Variants in HECW2 observed in about 807,000 individuals in gnomAD.
HECW2 encodes E3 ubiquitin-protein ligase HECW2.
A neutral mutation model predicts 175.2 loss-of-function variants in HECW2; 61 were observed. That is an observed-to-expected ratio of 0.35 (90% CI 0.28 to 0.43). The LOEUF (loss-of-function observed/expected upper bound fraction) is 0.43, where lower values mean the gene tolerates loss of function less well. HECW2 is among the 20% of genes least tolerant of loss of function. The pLI, the probability that HECW2 is intolerant of heterozygous loss-of-function variation, is 1.00. For missense variants in HECW2, 1,524 were observed against 2,000.5 expected (o/e 0.76, Z 4.54); for synonymous variants, 671 against 731.0 (o/e 0.92, Z 1.32).
intron 1 of HECW2, among the ~76,000 whole-genome samples, chr2:196,446,823 A>C (rs1333302583): frequency 2.0e-5 from 3 of 152,210 alleles, no homozygotes; most frequent in African/African-American, 7.2e-5. Context: ...GTAAGTCACA[A>C]ACAAGAGTGT....
intron 2 of HECW2, among the ~76,000 whole-genome samples, chr2:196,398,943 G>A (rs1477203218): frequency 2.0e-5 from 3 of 152,154 alleles, no homozygotes; most frequent in Admixed American, 6.5e-5. Flanking sequence ...TTTCACCACT[G>A]CACTCCAGCC....
chr2:196,276,915 T>C (rs1462039129), intron 15 of HECW2, among the ~76,000 whole-genome samples: 2 of 152,216 alleles, frequency 1.3e-5, no homozygotes, highest in Admixed American at 6.5e-5. Context: ...ATTGTATTCA[T>C]ATTTTTTCTT....
At chr2:196,382,811 C>T (rs1694245337) in intron 2 of HECW2, among the ~76,000 whole-genome samples, 2 of 152,002 alleles carry the variant, frequency 1.3e-5, no homozygotes. Flanking sequence ...ATAACCCTGA[C>T]CTTTAGAAAT....
At chr2:196,312,671 A>G (rs1691543723) in intron 10 of HECW2, among the ~76,000 whole-genome samples, 1 of 152,186 alleles carries the variant, frequency 6.6e-6, no homozygotes, top group Non-Finnish European at 1.5e-5. Flanking sequence ...GTTTAGTAGA[A>G]AGAATTCGGG....
rs368792813 is a variant in HECW2, at chr2:196,409,285, C to T, written c.292+23847G>A. Among the ~76,000 whole-genome samples the T allele has an allele frequency of 9.5e-4, 145 of 152,238 alleles. 2 individuals carry two copies. The Middle Eastern group carries it at 0.024, about 25-fold the overall frequency. ...AGTTCTAATATTCCCATTAACTGAC[C>T]ATGAAAACTGGAGCAAGTTTCTAAA... On this transcript the variant is annotated intron_variant, in intron 2 of 28. Transcript: ENST00000644978.
At chr2:196,538,863 G>T (rs1053093294) in intron 1 of HECW2, among the ~76,000 whole-genome samples, 3 of 152,062 alleles carry the variant, frequency 2.0e-5, no homozygotes, top group Non-Finnish European at 4.4e-5. Flanking sequence ...GGAACCAGCC[G>T]CCTCCTCTCT....
At chr2:196,464,157 T>C (rs1460889433) in intron 1 of HECW2, among the ~76,000 whole-genome samples, 1 of 152,060 alleles carries the variant, frequency 6.6e-6, no homozygotes, top group East Asian at 1.9e-4. Flanking sequence ...TCTCTCAACA[T>C]AAAACATTAG....
At chr2:196,402,329 C>T (rs1694844932) in intron 2 of HECW2, among the ~76,000 whole-genome samples, 1 of 151,648 alleles carries the variant, frequency 6.6e-6, no homozygotes, top group Non-Finnish European at 1.5e-5. Flanking sequence ...CTTTAACAGA[C>T]CTTGAGTTTC....
intron 2 of HECW2, among the ~76,000 whole-genome samples, chr2:196,380,610 A>C (rs902717123): frequency 1.3e-5 from 2 of 152,222 alleles, no homozygotes; most frequent in Non-Finnish European, 2.9e-5. Flanking sequence ...CAGGTTAACG[A>C]AAGTCCTGCA....
At chr2:196,306,155 G>A (rs1159213732) in intron 13 of HECW2, among the ~76,000 whole-genome samples, 1 of 151,790 alleles carries the variant, frequency 6.6e-6, no homozygotes, top group East Asian at 1.9e-4. Context: ...GGAGGGAGAA[G>A]ATGCTATCTA....
chr2:196,521,253 A>G (rs1688363777), intron 1 of HECW2, among the ~76,000 whole-genome samples: 1 of 128,798 alleles, frequency 7.8e-6, no homozygotes, highest in African/African-American at 3.1e-5. Flanking sequence ...TCTTTCTTGT[A>G]TTTCATCCTC....
intron 1 of HECW2, among the ~76,000 whole-genome samples, chr2:196,505,454 C>T (rs983220035): frequency 1.3e-5 from 2 of 152,094 alleles, no homozygotes; most frequent in African/African-American, 4.8e-5. Flanking sequence ...GCAGGAGAAT[C>T]GCTTGAACCC....
chr2:196,458,390 G>C (rs1167504447), intron 1 of HECW2, among the ~76,000 whole-genome samples: 2 of 151,988 alleles, frequency 1.3e-5, no homozygotes, highest in African/African-American at 4.8e-5. Context: ...TCATAATGCT[G>C]GGAGTCTCTG....
intron 18 of HECW2, among the ~76,000 whole-genome samples, chr2:196,255,113 C>G (rs1689006364): frequency 2.0e-5 from 3 of 147,070 alleles, no homozygotes; most frequent in South Asian, 4.3e-4. Context: ...GCTGGGACTA[C>G]AGGTGCGAGT....
At chr2:196,541,404 G>A (rs1013268822) in intron 1 of HECW2, among the ~76,000 whole-genome samples, 50 of 152,174 alleles carry the variant, frequency 3.3e-4, no homozygotes, top group South Asian at 4.2e-4. Flanking sequence ...AGTAAAAGGC[G>A]GGTAACTAAA....
chr2:196,351,593 C>T (rs1014723611), intron 2 of HECW2, among the ~76,000 whole-genome samples: 4 of 152,158 alleles, frequency 2.6e-5, no homozygotes, highest in Admixed American at 2.6e-4. Flanking sequence ...TGCCATGTGA[C>T]CGATTGTGCC....
chr2:196,587,235 T>C (rs1408255208), intron 1 of HECW2, among the ~76,000 whole-genome samples: 1 of 152,224 alleles, frequency 6.6e-6, no homozygotes, highest in Non-Finnish European at 1.5e-5. Flanking sequence ...CCACTGTGCT[T>C]TGTTCGAAAA....
chr2:196,350,468 C>A (rs905563701), intron 2 of HECW2, among the ~76,000 whole-genome samples: 1 of 152,200 alleles, frequency 6.6e-6, no homozygotes, highest in Non-Finnish European at 1.5e-5. Flanking sequence ...TTAGCAAGCA[C>A]CCCAACCAGA....
chr2:196,223,412 G>A (rs1266555039), intron 23 of HECW2, among the ~76,000 whole-genome samples: 1 of 152,096 alleles, frequency 6.6e-6, no homozygotes, highest in Non-Finnish European at 1.5e-5. Flanking sequence ...CTTTCAGGAT[G>A]TTTAAAAGCA....
Sources: gnomAD v4.1 joint callset for allele counts (sites outside exome capture counted in the v4.1 genomes callset) on GRCh38, gnomAD v4.1.1 for gene constraint, MANE v1.5 for transcripts, NCBI Gene and HGNC (gene_info 2026-07-23, HGNC 2026-07-21) for gene names.